Variants in PHLDB2 observed in about 807,000 individuals in gnomAD.
PHLDB2 encodes the protein pleckstrin homology like domain family B member 2.
In PHLDB2, 71 loss-of-function variants were observed where a neutral mutation model predicts 123.6. The ratio of observed to expected loss-of-function variants is 0.57; its 90% CI spans 0.47 to 0.70. The LOEUF is 0.70. Among genes scored for constraint, PHLDB2 ranks in the 30% least tolerant of loss-of-function variants. The probability of loss-of-function intolerance (pLI) is 0.00; values close to 1 mark genes in which losing one functional copy is unlikely to be tolerated. For synonymous variants in PHLDB2, 547 were observed against 541.6 expected, an observed-to-expected ratio of 1.01 and a Z score of -0.14; for missense variants, 1,446 against 1,519.5, an observed-to-expected ratio of 0.95 and a Z score of 0.80.
intron 1 of PHLDB2, among the ~76,000 whole-genome samples, chr3:111,747,344 C>T (rs2059697169): frequency 6.6e-6 from 1 of 151,986 alleles, no homozygotes; most frequent in Admixed American, 6.6e-5. Context: ...TGGGAAACAC[C>T]TTGCTAAAGT....
Position 111,780,397 on chromosome 3 carries a change from GAA to G in PHLDB2, c.-49+47695_-49+47696del, listed in dbSNP as rs77036221. On this transcript the variant is annotated intron_variant, in intron 1 of 17. Coordinates refer to the PHLDB2 transcript ENST00000393923. ...AGAAGAAGAAGAAGAAGAAGAAGAAGAAGAAGAAGAAGAAAAAGATTAGTTCG... is the reference window on the plus strand; with the variant it reads ...AGAAGAAGAAGAAGAAGAAGAAGAAGGAAGAAGAAGAAAAAGATTAGTTCG... 0.012 allele frequency among the ~76,000 whole-genome samples: 233 copies of G among 19,480 alleles called. 64 individuals carry two copies. The East Asian group carries it at 0.5, about 42-fold the overall frequency. 12.8% of individuals were successfully genotyped at this position (19,480 alleles called of 152,430 possible).
intron 1 of PHLDB2, among the ~76,000 whole-genome samples, chr3:111,867,256 C>T (rs1019550953): frequency 2.0e-5 from 3 of 151,836 alleles, no homozygotes; most frequent in African/African-American, 7.3e-5. Flanking sequence ...AGCTAGGAGC[C>T]AGTGATATGA....
chr3:111,770,002 A>T (rs1054990544), intron 1 of PHLDB2, among the ~76,000 whole-genome samples: 4 of 152,258 alleles, frequency 2.6e-5, no homozygotes, highest in Admixed American at 2.6e-4. Context: ...AGCGTCTCAG[A>T]TAATTTTACC....
chr3:111,791,551 C>G (rs144701514), intron 1 of PHLDB2, among the ~76,000 whole-genome samples: 280 of 152,310 alleles, frequency 1.8e-3, no homozygotes, highest in African/African-American at 6.3e-3. Context: ...TGTACCAACT[C>G]AATCTCCCTG....
intron 1 of PHLDB2, among the ~76,000 whole-genome samples, chr3:111,803,439 C>T (rs1280566657): frequency 2.0e-5 from 3 of 152,152 alleles, no homozygotes; most frequent in Non-Finnish European, 4.4e-5. Context: ...CCCACCACCC[C>T]GTGCAGAACT....
chr3:111,916,762 G>A (rs1160331114), intron 3 of PHLDB2: 1 of 152,092 alleles, frequency 6.6e-6, no homozygotes, highest in Non-Finnish European at 1.5e-5. Flanking sequence ...GCTGCAAAAA[G>A]GGTTTTAAGA....
intron 1 of PHLDB2, among the ~76,000 whole-genome samples, chr3:111,741,849 AAAC>A (rs2107928662): frequency 6.6e-6 from 1 of 152,306 alleles, no homozygotes; most frequent in African/African-American, 2.4e-5. Flanking sequence ...CATGATGTCT[AAAC>A]AAATCTCAGG....
intron 13 of PHLDB2, among the ~76,000 whole-genome samples, chr3:111,966,085 G>T (rs1023837883): frequency 6.6e-6 from 1 of 152,140 alleles, no homozygotes. Context: ...AATAAATAAA[G>T]TGTCCACACA....
intron 1 of PHLDB2, among the ~76,000 whole-genome samples, chr3:111,757,838 A>T (rs1156464397): frequency 6.6e-6 from 1 of 152,230 alleles, no homozygotes; most frequent in Non-Finnish European, 1.5e-5. Context: ...CCTCAGCTGC[A>T]GGTCTGTTGG....
At chr3:111,945,563 G>T (rs2070242519) in intron 9 of PHLDB2, 2 of 565,952 alleles carry the variant, frequency 3.5e-6, no homozygotes, top group Admixed American at 3.3e-5. Flanking sequence ...TGCACATTGT[G>T]TGTGTGTATG....
At chr3:111,848,464 C>T (rs1420481113) in intron 2 of PHLDB2, among the ~76,000 whole-genome samples, 2 of 152,180 alleles carry the variant, frequency 1.3e-5, no homozygotes, top group African/African-American at 2.4e-5. Flanking sequence ...CTCATCAATG[C>T]TCAGCAGGCT....
rs950484151 is a variant in PHLDB2, at chr3:111,901,912, G to GT, written c.1336-11400dup. ...CATGAATTTCTTTGACTTATGGCCG[G>GT]TTTTTTTCAGTCAATAGGGAGAAAT... On this transcript the variant is annotated intron_variant, in intron 2 of 17. Coordinates refer to ENST00000431670, the MANE Select transcript of PHLDB2 (RefSeq NM_001134438.2). 2.8e-4 allele frequency among the ~76,000 whole-genome samples: 42 copies of GT among 151,986 alleles called. 1 individual carries two copies. The highest frequency in any genetic ancestry group is 6.6e-5 in the Admixed American group (1 of 15,262).
chr3:111,773,161 C>T (rs187976791), intron 1 of PHLDB2, among the ~76,000 whole-genome samples: 3 of 152,264 alleles, frequency 2.0e-5, no homozygotes, highest in African/African-American at 7.2e-5. Context: ...TAGCATCGCT[C>T]GAAGTGCAGT....
intron 1 of PHLDB2, among the ~76,000 whole-genome samples, chr3:111,759,004 A>C (rs28479130): frequency 0.19 from 28,853 of 152,198 alleles, 2,883 homozygotes; most frequent in African/African-American, 0.21. Context: ...ACTAGGAGTC[A>C]GTCAGTAGAG....
At chr3:111,787,744 G>A (rs761191074) in intron 1 of PHLDB2, among the ~76,000 whole-genome samples, 1 of 152,058 alleles carries the variant, frequency 6.6e-6, no homozygotes, top group African/African-American at 2.4e-5. Flanking sequence ...CCACAGCCAC[G>A]GCCAAGAAGA....
rs966921461 is a variant in PHLDB2, at chr3:111,884,305, A to T, written c.228A>T (p.Gly76=). ...CAAAGAGAAGCCCTTCTCCTTTGGG[A>T]ACCAGTGTCAGAAGCAGCCCCTCCT... The part of the protein sequence containing the change: ...VPAKRSPSPL[G]TSVRSSPSLA... Residue 76 remains glycine, a synonymous_variant, in exon 2 of 18, where the codon GGA becomes GGT. Transcript: ENST00000431670. 1 of 1,614,030 alleles carries T rather than the reference A, an allele frequency of 6.2e-7. No individual in the cohort carries two copies. Among genetic ancestry groups the T allele is most frequent in the African/African-American group, 1.3e-5 (1 of 74,906 alleles).
intron 1 of PHLDB2, among the ~76,000 whole-genome samples, chr3:111,878,331 A>C (rs1032119621): frequency 6.6e-6 from 1 of 152,074 alleles, no homozygotes; most frequent in African/African-American, 2.4e-5. Context: ...ATGGGAGTTC[A>C]CTCATGATTT....
intron 1 of PHLDB2, among the ~76,000 whole-genome samples, chr3:111,776,204 G>C (rs1234336543): frequency 6.6e-6 from 1 of 152,104 alleles, no homozygotes; most frequent in Non-Finnish European, 1.5e-5. Flanking sequence ...AAGTGGATCT[G>C]AGAAATAATC....
At chr3:111,761,875 C>A (rs2060001615) in intron 1 of PHLDB2, among the ~76,000 whole-genome samples, 1 of 151,852 alleles carries the variant, frequency 6.6e-6, no homozygotes, top group Admixed American at 6.6e-5. Flanking sequence ...TTTTTAATAG[C>A]AGAAAAAGCA....
Sources: allele counts gnomAD v4.1 joint callset (sites outside exome capture counted in the v4.1 genomes callset), GRCh38; gene constraint gnomAD v4.1.1; transcripts MANE v1.5; gene names NCBI Gene and HGNC (gene_info 2026-07-23, HGNC 2026-07-21).